IGSF11: variants seen among roughly 807,000 people sequenced by gnomAD.
IGSF11 encodes the protein immunoglobulin superfamily member 11, also known as CXADR like 1.
A neutral mutation model predicts 41.0 loss-of-function variants in IGSF11; 22 were observed. That is an observed-to-expected ratio of 0.54 (90% CI 0.38 to 0.77). The LOEUF (loss-of-function observed/expected upper bound fraction) is 0.77. IGSF11 is among the 30% of genes least tolerant of loss of function. The pLI, the probability that IGSF11 is intolerant of heterozygous loss-of-function variation, is 0.00. For missense variants in IGSF11, 444 were observed against 530.8 expected (o/e 0.84, Z 1.61); for synonymous variants, 219 against 201.3 (o/e 1.09, Z -0.74).
chr3:118,925,083 T>C (rs1942172291), intron 4 of IGSF11, among the ~76,000 whole-genome samples: 2 of 152,180 alleles, frequency 1.3e-5, no homozygotes, highest in Admixed American at 1.3e-4. Flanking sequence ...AGTTATTATG[T>C]TGAAAAGAAG....
At chr3:118,931,000 A>G (rs1942802116) in intron 1 of IGSF11, among the ~76,000 whole-genome samples, 1 of 152,232 alleles carries the variant, frequency 6.6e-6, no homozygotes, top group Non-Finnish European at 1.5e-5. Flanking sequence ...GTAGGACAGT[A>G]TGGTACTAGC....
chr3:118,971,816 A>G (rs1038266593), intron 1 of IGSF11, among the ~76,000 whole-genome samples: 15 of 151,856 alleles, frequency 9.9e-5, no homozygotes, highest in Non-Finnish European at 2.9e-5. Flanking sequence ...AAAAAAAAAA[A>G]AAAGAAGAAA....
upstream of IGSF11, among the ~76,000 whole-genome samples, chr3:119,108,927 C>T (rs1461962316): frequency 4.5e-5 from 6 of 132,668 alleles, no homozygotes; most frequent in Admixed American, 2.4e-4. Context: ...CCTTGCATCC[C>T]AGGGATGAAG....
intron 1 of IGSF11, among the ~76,000 whole-genome samples, chr3:119,002,830 A>G (rs1486352079): frequency 4.2e-5 from 3 of 70,970 alleles, no homozygotes; most frequent in African/African-American, 7.7e-5. Context: ...CCATTGATCT[A>G]TATCTCTGTT....
chr3:119,100,042 A>G (rs2076916760), intron 1 of IGSF11, among the ~76,000 whole-genome samples: 1 of 152,296 alleles, frequency 6.6e-6, no homozygotes, highest in Admixed American at 6.5e-5. Context: ...ATGAGATTTC[A>G]TTATGCTACT....
chr3:119,121,656 G>T (rs1559879940), intron 1 of IGSF11, among the ~76,000 whole-genome samples: 1 of 152,040 alleles, frequency 6.6e-6, no homozygotes, highest in Non-Finnish European at 1.5e-5. Context: ...AAGAAAATTT[G>T]TGACTAAAAA....
chr3:118,904,559 A>C, intron 6 of IGSF11, 89 bp downstream of exon 6: 1 of 944,344 alleles, frequency 1.1e-6, no homozygotes, highest in Non-Finnish European at 1.6e-6. Context: ...TCAGAGTTTT[A>C]TGATTAGTAG....
chr3:119,040,197 C>A (rs749629954), intron 1 of IGSF11, among the ~76,000 whole-genome samples: 1 of 152,182 alleles, frequency 6.6e-6, no homozygotes, highest in African/African-American at 2.4e-5. Context: ...TCAGCTGGCA[C>A]CACCCAGATC....
intron 1 of IGSF11, among the ~76,000 whole-genome samples, chr3:119,059,605 G>A (rs896487519): frequency 6.6e-6 from 1 of 152,080 alleles, no homozygotes; most frequent in East Asian, 1.9e-4. Flanking sequence ...ACAACTAGAA[G>A]GGAAAGGGTA....
chr3:118,955,537 C>T (rs891150917), intron 1 of IGSF11, among the ~76,000 whole-genome samples: 1 of 152,144 alleles, frequency 6.6e-6, no homozygotes, highest in African/African-American at 2.4e-5. Flanking sequence ...ATGAAAACAA[C>T]ATTAATCTCC....
chr3:118,959,880 T>C (rs1223533207), intron 1 of IGSF11, among the ~76,000 whole-genome samples: 3 of 151,614 alleles, frequency 2.0e-5, no homozygotes, highest in African/African-American at 7.3e-5. Context: ...ACCCCGCCTC[T>C]AAAAATAAAA....
intron 1 of IGSF11, among the ~76,000 whole-genome samples, chr3:119,117,868 C>T (rs1284990849): frequency 6.6e-6 from 1 of 152,166 alleles, no homozygotes; most frequent in African/African-American, 2.4e-5. Flanking sequence ...GGGCTATAGG[C>T]CCTATGTAAG....
intron 1 of IGSF11, among the ~76,000 whole-genome samples, chr3:119,018,231 G>A (rs1266591371): frequency 6.6e-6 from 1 of 152,224 alleles, no homozygotes; most frequent in Non-Finnish European, 1.5e-5. Flanking sequence ...AGGTAAATGA[G>A]TGAGAAAGAG....
At chr3:119,040,210 T>C (rs1382295290) in intron 1 of IGSF11, among the ~76,000 whole-genome samples, 2 of 152,186 alleles carry the variant, frequency 1.3e-5, no homozygotes, top group African/African-American at 2.4e-5. Context: ...CCCAGATCAA[T>C]AAACTGTCTC....
At chr3:119,061,699 G>A (rs546245053) in intron 1 of IGSF11, among the ~76,000 whole-genome samples, 3 of 151,870 alleles carry the variant, frequency 2.0e-5, no homozygotes, top group African/African-American at 4.8e-5. Flanking sequence ...ATACTTTCAC[G>A]GGAACCCAAA....
At chr3:119,132,030 T>G (rs969133364) in intron 1 of IGSF11, among the ~76,000 whole-genome samples, 28 of 152,008 alleles carry the variant, frequency 1.8e-4, no homozygotes, top group African/African-American at 6.5e-4. Context: ...CAGGCCTACC[T>G]TACAAGAGCT....
At chr3:118,971,243 T>C (rs972595719) in intron 1 of IGSF11, among the ~76,000 whole-genome samples, 1 of 152,208 alleles carries the variant, frequency 6.6e-6, no homozygotes, top group Non-Finnish European at 1.5e-5. Context: ...ACTACATTAT[T>C]AGGTCAGCTT....
intron 1 of IGSF11, among the ~76,000 whole-genome samples, chr3:118,997,533 C>T (rs73856930): frequency 2.1e-5 from 3 of 143,316 alleles, no homozygotes; most frequent in South Asian, 2.4e-4. Context: ...GCTGCCCCCC[C>T]CCAGCCACAC....
At chr3:119,063,670 T>A (rs1942127245) in intron 1 of IGSF11, among the ~76,000 whole-genome samples, 1 of 152,238 alleles carries the variant, frequency 6.6e-6, no homozygotes, top group Non-Finnish European at 1.5e-5. Flanking sequence ...TGTTTTTAAT[T>A]TCAGTAGTTC....
Sources: gnomAD v4.1 joint callset for allele counts (sites outside exome capture counted in the v4.1 genomes callset) on GRCh38, gnomAD v4.1.1 for gene constraint, MANE v1.5 for transcripts, NCBI Gene and HGNC (gene_info 2026-07-23, HGNC 2026-07-21) for gene names.